The following PDE7B variants were observed in gnomAD, a reference collection of about 807,000 sequenced individuals.
The protein encoded by PDE7B is 3',5'-cyclic-AMP phosphodiesterase 7B.
Under a neutral mutation model 56.2 loss-of-function variants are expected in PDE7B, and 29 were observed. The observed-to-expected ratio is 0.52, with a 90% CI of 0.38 to 0.70. PDE7B has a LOEUF of 0.70. PDE7B is among the 30% of genes least tolerant of loss of function. The pLI, the probability that PDE7B is intolerant of heterozygous loss-of-function variation, is 0.00. For missense variants in PDE7B, 490 were observed against 565.0 expected, an observed-to-expected ratio of 0.87 and a Z score of 1.35; for synonymous variants, 197 against 196.9, an observed-to-expected ratio of 1.00 and a Z score of 0.00.
intron 2 of PDE7B, among the ~76,000 whole-genome samples, chr6:135,947,935 G>A (rs1774620589): frequency 6.6e-6 from 1 of 152,046 alleles, no homozygotes; most frequent in Non-Finnish European, 1.5e-5. Context: ...TGGAAGAAAT[G>A]TATATTTGAA....
At chr6:136,006,442 T>C (rs1476062864) in intron 2 of PDE7B, among the ~76,000 whole-genome samples, 2 of 152,214 alleles carry the variant, frequency 1.3e-5, no homozygotes, top group East Asian at 1.9e-4. Flanking sequence ...TTTCTGGTTC[T>C]GTGAAGAATG....
intron 2 of PDE7B, among the ~76,000 whole-genome samples, chr6:136,015,386 G>A (rs1775962176): frequency 6.6e-6 from 1 of 152,186 alleles, no homozygotes; most frequent in Admixed American, 6.5e-5. Context: ...GCCATTTTCT[G>A]ATTCAAGGTG....
chr6:135,949,868 A>G (rs1774667167), intron 2 of PDE7B, among the ~76,000 whole-genome samples: 2 of 152,170 alleles, frequency 1.3e-5, no homozygotes, highest in Non-Finnish European at 2.9e-5. Flanking sequence ...ATTCAAAGAT[A>G]ATATTATGCT....
intron 2 of PDE7B, among the ~76,000 whole-genome samples, chr6:136,059,171 G>T (rs958104654): frequency 1.3e-5 from 2 of 152,044 alleles, no homozygotes; most frequent in African/African-American, 4.8e-5. Flanking sequence ...ATTTATTTTT[G>T]TAAAAAATCA....
chr6:135,866,792 T>TA (rs1562416577), intron 1 of PDE7B, among the ~76,000 whole-genome samples: 2 of 152,186 alleles, frequency 1.3e-5, no homozygotes, highest in African/African-American at 4.8e-5. Flanking sequence ...CGTAAACACA[T>TA]AAAAGATTAT....
intron 1 of PDE7B, among the ~76,000 whole-genome samples, chr6:135,937,387 C>G (rs930812202): frequency 6.6e-6 from 1 of 152,194 alleles, no homozygotes; most frequent in Non-Finnish European, 1.5e-5. Flanking sequence ...AGCCTTGCGT[C>G]TCTCCACTCT....
chr6:136,005,549 C>G (rs527567392), intron 2 of PDE7B, among the ~76,000 whole-genome samples: 1 of 152,122 alleles, frequency 6.6e-6, no homozygotes, highest in South Asian at 2.1e-4. Context: ...GTGAAGGACA[C>G]GAACAGACAC....
At chr6:136,006,488 T>A (rs1775786402) in intron 2 of PDE7B, among the ~76,000 whole-genome samples, 1 of 152,188 alleles carries the variant, frequency 6.6e-6, no homozygotes. Context: ...ATTGAATTTG[T>A]AAATTTCTTT....
intron 2 of PDE7B, among the ~76,000 whole-genome samples, chr6:135,956,425 G>A (rs9494428): frequency 0.072 from 11,000 of 152,212 alleles, 742 homozygotes; most frequent in African/African-American, 0.18. Flanking sequence ...AGAAGGTGGG[G>A]TGAGGTGGGT....
chr6:135,954,410 T>G (rs1774753182), intron 2 of PDE7B, among the ~76,000 whole-genome samples: 1 of 152,152 alleles, frequency 6.6e-6, no homozygotes, highest in African/African-American at 2.4e-5. Context: ...TCTGCTAACA[T>G]AGCCAAGGCC....
chr6:136,137,627 G>T (rs1778235183), intron 3 of PDE7B, among the ~76,000 whole-genome samples: 2 of 151,994 alleles, frequency 1.3e-5, no homozygotes, highest in Admixed American at 6.6e-5. Context: ...TTATAATATG[G>T]ATATATTTAC....
At chr6:136,054,152 T>A (rs1308497536) in intron 2 of PDE7B, among the ~76,000 whole-genome samples, 3 of 152,216 alleles carry the variant, frequency 2.0e-5, no homozygotes. Flanking sequence ...CTGAATGGTA[T>A]TGCCTAGGTT....
intron 1 of PDE7B, among the ~76,000 whole-genome samples, chr6:135,899,864 G>A (rs763799610): frequency 3.3e-5 from 5 of 152,006 alleles, no homozygotes; most frequent in East Asian, 1.9e-4. Flanking sequence ...CATATGCCAT[G>A]GACGGCAACT....
chr6:136,049,560 A>G (rs1156363434), intron 2 of PDE7B: 1 of 152,222 alleles, frequency 6.6e-6, no homozygotes, highest in Non-Finnish European at 1.5e-5. Context: ...CTCCATGAGG[A>G]TTGGGCATTA....
At chr6:136,182,498 A>G (rs1779082362) in intron 11 of PDE7B, among the ~76,000 whole-genome samples, 1 of 152,248 alleles carries the variant, frequency 6.6e-6, no homozygotes, top group Non-Finnish European at 1.5e-5. Flanking sequence ...GAGAGGGGCT[A>G]AGATCTCTGT....
intron 2 of PDE7B, among the ~76,000 whole-genome samples, chr6:136,026,481 T>C (rs1776153003): frequency 6.6e-6 from 1 of 152,186 alleles, no homozygotes; most frequent in African/African-American, 2.4e-5. Flanking sequence ...TGGGGTGTGG[T>C]AATTATTCTT....
chr6:135,906,824 T>G (rs1312392671), intron 1 of PDE7B, among the ~76,000 whole-genome samples: 1 of 146,734 alleles, frequency 6.8e-6, no homozygotes, highest in African/African-American at 2.5e-5. Flanking sequence ...TTTTTTTTTT[T>G]TTTTTTTTTT....
At chr6:136,085,520 C>T (rs189790899) in intron 2 of PDE7B, among the ~76,000 whole-genome samples, 6 of 152,198 alleles carry the variant, frequency 3.9e-5, no homozygotes, top group East Asian at 1.9e-4. Flanking sequence ...TCTAATGTGC[C>T]GGAGGGGGCT....
chr6:135,911,417 G>T (rs1300130246), intron 1 of PDE7B, among the ~76,000 whole-genome samples: 1 of 152,148 alleles, frequency 6.6e-6, no homozygotes, highest in East Asian at 1.9e-4. Context: ...TATAACCAAG[G>T]ATAGGATTTT....
Sources: gnomAD v4.1 joint callset for allele counts (sites outside exome capture counted in the v4.1 genomes callset) on GRCh38, gnomAD v4.1.1 for gene constraint, MANE v1.5 for transcripts, NCBI Gene and HGNC (gene_info 2026-07-23, HGNC 2026-07-21) for gene names.